Variants in NHS observed in about 807,000 individuals in gnomAD.
The protein encoded by NHS is actin remodeling regulator NHS.
In NHS, 5 loss-of-function variants were observed where a neutral mutation model predicts 72.5. That is an observed-to-expected ratio of 0.07 (90% confidence interval 0.04 to 0.14). The LOEUF (loss-of-function observed/expected upper bound fraction) is 0.14, where lower values mean the gene tolerates loss of function less well. Ranked by LOEUF, NHS falls within the 10% of genes least tolerant of loss-of-function variation. The pLI, the probability that NHS is intolerant of heterozygous loss-of-function variation, is 1.00. For missense variants in NHS, 1,072 were observed against 1,355.7 expected (o/e 0.79, Z 3.29); for synonymous variants, 464 against 547.7 (o/e 0.85, Z 2.13).
intron 1 of NHS, among the ~76,000 whole-genome samples, chrX:17,546,061 C>T (rs2065291473): frequency 8.9e-6 from 1 of 112,041 alleles, no homozygotes; most frequent in Admixed American, 9.4e-5. Flanking sequence ...AGTTAATACC[C>T]TGCAGAGCTG....
chrX:17,630,626 T>G (rs1284309425), intron 1 of NHS, among the ~76,000 whole-genome samples: 1 of 111,526 alleles, frequency 9.0e-6, no homozygotes, highest in African/African-American at 3.3e-5. Flanking sequence ...GGGATCAGGC[T>G]GGAGCAAATA....
In NHS at chrX:17,459,610, T is replaced by C. The variant is rs141572651; in HGVS notation, c.565+83288T>C. ...AAACTGTTTTTTCTTTCTCATCTTA[T>C]TCTCCTTTTCTCTTTCTTTAACTCT... On this transcript the variant is annotated intron_variant, in intron 1 of 8. Coordinates refer to ENST00000676302, the MANE Select transcript of NHS (RefSeq NM_001291867.2). 4.5e-5 allele frequency among the ~76,000 whole-genome samples: 5 copies of C among 112,347 alleles called. No homozygotes were observed. In the East Asian group the frequency reaches 1.4e-3, roughly 32 times the overall value.
intron 1 of NHS, among the ~76,000 whole-genome samples, chrX:17,619,093 G>A (rs2065760617): frequency 8.9e-6 from 1 of 112,408 alleles, no homozygotes; most frequent in African/African-American, 3.2e-5. Flanking sequence ...ATAGAACCCT[G>A]TGATTGAGTT....
intron 1 of NHS, among the ~76,000 whole-genome samples, chrX:17,617,172 G>T (rs1030842481): frequency 9.0e-6 from 1 of 111,592 alleles, no homozygotes; most frequent in Non-Finnish European, 1.9e-5. Context: ...TAATTCCCGG[G>T]TTTGTTGGCC....
intron 8 of NHS, 109 bp from the exon 9 acceptor site, chrX:17,731,749 C>T: frequency 3.0e-6 from 3 of 1,011,002 alleles, no homozygotes; most frequent in African/African-American, 3.8e-5. Flanking sequence ...TCATATAGGA[C>T]AGGCTCAAAA....
chrX:17,668,700 A>G (rs1387702048), intron 1 of NHS, among the ~76,000 whole-genome samples: 2 of 111,492 alleles, frequency 1.8e-5, no homozygotes, highest in African/African-American at 3.3e-5. Context: ...CAAGGATTCA[A>G]GTACAAGTAG....
intron 1 of NHS, among the ~76,000 whole-genome samples, chrX:17,600,286 CAGAG>C (rs113777136): frequency 1.3e-3 from 127 of 101,267 alleles, no homozygotes; most frequent in African/African-American, 3.5e-3. Flanking sequence ...CAGAGAGAGA[CAGAG>C]AGAGAGAGAG....
rs1013795045 is a variant in NHS, at chrX:17,701,573, G to T, written c.852+9105G>T. 2.2e-4 allele frequency among the ~76,000 whole-genome samples: 25 copies of T among 111,509 alleles called. 1 individual carries two copies. Among genetic ancestry groups the T allele is most frequent in the Admixed American group, 1.5e-3 (16 of 10,492 alleles). On this transcript the variant is annotated intron_variant, in intron 3 of 8. Coordinates refer to ENST00000676302, the MANE Select transcript of NHS (RefSeq NM_001291867.2). ...ACTTCACCCAGAAAAAGTCCTGGGG[G>T]TGCCTAGGGATTGGGCAACAGAAGG...
At chrX:17,492,414 G>GT (rs1264983531) in intron 1 of NHS, among the ~76,000 whole-genome samples, 7 of 112,129 alleles carry the variant, frequency 6.2e-5, no homozygotes, top group Non-Finnish European at 1.3e-4. Flanking sequence ...TCAGGAGCAG[G>GT]TTGTTCAGTT....
chrX:17,616,854 C>T (rs2065749923), intron 1 of NHS, among the ~76,000 whole-genome samples: 1 of 112,029 alleles, frequency 8.9e-6, no homozygotes, highest in Admixed American at 9.5e-5. Context: ...ACATACTAGC[C>T]TTGTTTCAAA....
rs188507506 is a variant in NHS, at chrX:17,732,712, T to C, written c.*248T>C. 16 of 392,761 alleles carry C rather than the reference T, an allele frequency of 4.1e-5. No homozygotes were observed. In the East Asian group the frequency reaches 6.1e-4, roughly 15 times the overall value. The allele number at this position is 392,761 out of a possible 1,213,427, so 32.4% of individuals were successfully genotyped here. A position where few individuals can be genotyped will look rare whatever the true frequency, so the allele number is the denominator to read the frequency against. ...CTTTAGCATAGTTTGATTTACGCAA[T>C]CTCCTTCCTTGTGAAAATAGAGGAT... On this transcript the variant is annotated 3_prime_UTR_variant, in exon 9 of 9. Transcript: ENST00000676302.
At chrX:17,666,565 C>T (rs2066014057) in intron 1 of NHS, among the ~76,000 whole-genome samples, 1 of 112,678 alleles carries the variant, frequency 8.9e-6, no homozygotes, top group Admixed American at 9.3e-5. Context: ...TGCTAAAGTA[C>T]TAGTGCCAGC....
intron 1 of NHS, among the ~76,000 whole-genome samples, chrX:17,639,373 G>T (rs1364304381): frequency 1.8e-5 from 2 of 111,329 alleles, no homozygotes; most frequent in African/African-American, 6.5e-5. Context: ...CCACAGACTG[G>T]GTAATTTATA....
chrX:17,479,723 G>T (rs969950976), intron 1 of NHS, among the ~76,000 whole-genome samples: 1 of 111,602 alleles, frequency 9.0e-6, no homozygotes, highest in Non-Finnish European at 1.9e-5. Flanking sequence ...CATATCCTTC[G>T]CCTACTTTTT....
chrX:17,615,741 A>C (rs1399178885), intron 1 of NHS, among the ~76,000 whole-genome samples: 1 of 109,343 alleles, frequency 9.1e-6, no homozygotes, highest in Non-Finnish European at 1.9e-5. Flanking sequence ...ATTTACATGC[A>C]TTCCTTGGCT....
At chrX:17,656,408 G>A (rs1411513135) in intron 1 of NHS, among the ~76,000 whole-genome samples, 1 of 112,728 alleles carries the variant, frequency 8.9e-6, no homozygotes, top group Non-Finnish European at 1.9e-5. Flanking sequence ...GTATGGGCAA[G>A]TGACATCATT....
chrX:17,412,846 A>T (rs915132427), intron 1 of NHS, among the ~76,000 whole-genome samples: 1 of 112,354 alleles, frequency 8.9e-6, no homozygotes, highest in African/African-American at 3.2e-5. Context: ...CAGAGGGTAA[A>T]TATCTTGAGC....
rs1378758626 is a variant in NHS, at chrX:17,723,780, T to TGC, written c.1109-514_1109-513dup. ...GTGTGTGTGTGTGTGTGCGCGCGCG[T>TGC]GCGCGCATGGGGAATGCAAGAAGGT... On this transcript the variant is annotated intron_variant, in intron 5 of 8. Coordinates refer to ENST00000676302, the MANE Select transcript of NHS (RefSeq NM_001291867.2). Among the ~76,000 whole-genome samples the TGC allele has an allele frequency of 1.9e-4, 18 of 97,016 alleles. 1 individual carries two copies. Among genetic ancestry groups the TGC allele is most frequent in the African/African-American group, 3.6e-4 (9 of 25,208 alleles). 84.2% of individuals were successfully genotyped at this position (97,016 alleles called of 115,157 possible). A position where few individuals can be genotyped will look rare whatever the true frequency, so the allele number is the denominator to read the frequency against.
At position 17,728,053 on chromosome X, in the gene NHS, A is replaced by G. The variant is rs1398740846; in HGVS notation, c.3947A>G (p.Gln1316Arg). 1.7e-6 allele frequency: 2 copies of G among 1,212,082 alleles called. No individual in the cohort carries two copies. The highest frequency in any genetic ancestry group is 2.2e-6 in the Non-Finnish European group (2 of 895,597). ...APSAGLEEVA[Q>R]PESVDVITSQ... ...TCTGCAGGTCTGGAGGAAGTTGCACAACCTGAATCTGTGGATGTAATCACA... is the reference window on the plus strand; with the variant it reads ...TCTGCAGGTCTGGAGGAAGTTGCACGACCTGAATCTGTGGATGTAATCACA... The change falls in exon 7 of 9, where the codon CAA becomes CGA. Residue 1316 changes from glutamine to arginine, a missense_variant. Physicochemically the swap from Gln to Arg is conservative, Grantham distance 43 (BLOSUM62 1). Coordinates refer to ENST00000676302, the MANE Select transcript of NHS (RefSeq NM_001291867.2).
Sources: allele counts gnomAD v4.1 joint callset (sites outside exome capture counted in the v4.1 genomes callset), GRCh38; gene constraint gnomAD v4.1.1; transcripts MANE v1.5; gene names NCBI Gene and HGNC (gene_info 2026-07-23, HGNC 2026-07-21).